The following ACYP2 variants were observed in gnomAD, a reference collection of about 807,000 sequenced individuals.
The protein encoded by ACYP2 is acylphosphatase-2.
A neutral mutation model predicts 11.2 loss-of-function variants in ACYP2; 12 were observed. The ratio of observed to expected loss-of-function variants is 1.08; its 90% confidence interval spans 0.69 to 1.74. The LOEUF is 1.74. Among genes scored for constraint, ACYP2 ranks in the 40% most tolerant of loss-of-function variants. The pLI is 0.00. For synonymous variants in ACYP2, 43 were observed against 32.2 expected, an observed-to-expected ratio of 1.33 and a Z score of -1.13; for missense variants, 134 against 101.9, an observed-to-expected ratio of 1.31 and a Z score of -1.35.
At chr2:53,998,687 C>T (rs1202530561) in intron 2 of ACYP2, among the ~76,000 whole-genome samples, 2 of 151,880 alleles carry the variant, frequency 1.3e-5, no homozygotes, top group Non-Finnish European at 2.9e-5. Flanking sequence ...ATGGTGGCCT[C>T]CACCTGTATT....
intron 4 of ACYP2, among the ~76,000 whole-genome samples, chr2:54,105,064 A>T (rs1359474448): frequency 2.0e-5 from 3 of 151,288 alleles, no homozygotes; most frequent in Non-Finnish European, 4.4e-5. Flanking sequence ...TTTTTTGAAT[A>T]CTATTTTGTT....
chr2:54,024,329 G>T lies in ACYP2; in HGVS notation c.63-26629G>T, dbSNP rs538230314. On this transcript the variant is annotated intron_variant, in intron 2 of 6. Coordinates refer to ENST00000607452, the MANE Select transcript of ACYP2 (RefSeq NM_001320586.2). ...TGCATTCAGCCGAGATCCCGTCACT[G>T]TACTCCAGCCTGGGCAACAGATCAA... Among the ~76,000 whole-genome samples, 26 of 152,240 alleles carry T rather than the reference G, an allele frequency of 1.7e-4. No individual in the cohort carries two copies. In the South Asian group the frequency reaches 5.4e-3, roughly 32 times the overall value.
chr2:54,008,513 C>A (rs1673191187), intron 2 of ACYP2, among the ~76,000 whole-genome samples: 1 of 152,158 alleles, frequency 6.6e-6, no homozygotes, highest in African/African-American at 2.4e-5. Context: ...ATTTACCAAT[C>A]AAGTGAATCA....
intron 6 of ACYP2, chr2:54,256,263 C>T (rs746197388): frequency 1.6e-6 from 2 of 1,284,302 alleles, no homozygotes; most frequent in Non-Finnish European, 2.2e-6. Flanking sequence ...GCCGCCCACT[C>T]TTCAGTCTCG....
intron 2 of ACYP2, among the ~76,000 whole-genome samples, chr2:53,976,583 T>C (rs907018358): frequency 6.6e-6 from 1 of 152,210 alleles, no homozygotes; most frequent in Non-Finnish European, 1.5e-5. Flanking sequence ...TTCTGCTGAA[T>C]TGCAGTTATT....
chr2:54,211,200 T>A (rs1685317704), intron 6 of ACYP2, among the ~76,000 whole-genome samples: 1 of 152,204 alleles, frequency 6.6e-6, no homozygotes, highest in African/African-American at 2.4e-5. Context: ...TTTTAAAACA[T>A]CAATAATTTG....
chr2:54,134,782 G>C (rs999077761), intron 4 of ACYP2, among the ~76,000 whole-genome samples: 5 of 152,150 alleles, frequency 3.3e-5, no homozygotes, highest in African/African-American at 4.8e-5. Flanking sequence ...TGCAGTCCAG[G>C]AACCCCAGTG....
intron 6 of ACYP2, among the ~76,000 whole-genome samples, chr2:54,292,198 C>A (rs1326854865): frequency 6.8e-6 from 1 of 148,006 alleles, no homozygotes; most frequent in African/African-American, 2.5e-5. Flanking sequence ...CAAAACAAAT[C>A]TTTTTTTTTT....
At chr2:54,123,557 C>T (rs906771095) in intron 4 of ACYP2, 2 of 395,840 alleles carry the variant, frequency 5.1e-6, no homozygotes, top group Non-Finnish European at 8.9e-6. Flanking sequence ...ACCATTAATT[C>T]CAGAACATTT....
At chr2:54,078,457 A>G (rs1159526044) in intron 4 of ACYP2, among the ~76,000 whole-genome samples, 2 of 150,018 alleles carry the variant, frequency 1.3e-5, no homozygotes, top group African/African-American at 2.4e-5. Flanking sequence ...TCCTGTCGCT[A>G]TTATTATTAT....
chr2:54,042,051 A>G (rs961862533), intron 2 of ACYP2, among the ~76,000 whole-genome samples: 1 of 146,736 alleles, frequency 6.8e-6, no homozygotes, highest in Non-Finnish European at 1.5e-5. Flanking sequence ...CTTCTTGCCC[A>G]GGCTGGAGTG....
chr2:54,266,926 A>T (rs1036140364), intron 6 of ACYP2, among the ~76,000 whole-genome samples: 7 of 152,020 alleles, frequency 4.6e-5, no homozygotes, highest in African/African-American at 1.7e-4. Flanking sequence ...AGAAATGTTA[A>T]TTTGCAGATG....
At chr2:54,150,625 T>C (rs550879596) in intron 6 of ACYP2, among the ~76,000 whole-genome samples, 178 of 152,234 alleles carry the variant, frequency 1.2e-3, no homozygotes, top group African/African-American at 4.1e-3. Flanking sequence ...TTTCACCATG[T>C]TGTCCACGCT....
intron 6 of ACYP2, among the ~76,000 whole-genome samples, chr2:54,208,649 A>T (rs1026080430): frequency 2.6e-5 from 4 of 152,124 alleles, no homozygotes; most frequent in African/African-American, 9.7e-5. Flanking sequence ...GATTCACTTA[A>T]GTCATTAGAC....
At chr2:54,271,182 C>CA (rs1688281722) in intron 6 of ACYP2, among the ~76,000 whole-genome samples, 1 of 152,136 alleles carries the variant, frequency 6.6e-6, no homozygotes, top group Admixed American at 6.5e-5. Flanking sequence ...AAGACTGATC[C>CA]CCTCCTTGTC....
chr2:54,243,270 A>G (rs1686807981), intron 6 of ACYP2, among the ~76,000 whole-genome samples: 1 of 152,188 alleles, frequency 6.6e-6, no homozygotes, highest in South Asian at 2.1e-4. Flanking sequence ...ACACAAACCT[A>G]GATGGTAGAG....
At chr2:53,971,461 C>G (rs1006182350) in intron 1 of ACYP2, 1 of 152,296 alleles carries the variant, frequency 6.6e-6, no homozygotes, top group African/African-American at 2.4e-5. Context: ...TTTCTGTCCC[C>G]TTTAAGTCCC....
intron 6 of ACYP2, among the ~76,000 whole-genome samples, chr2:54,180,595 C>T (rs1683661390): frequency 6.6e-6 from 1 of 152,224 alleles, no homozygotes; most frequent in Non-Finnish European, 1.5e-5. Context: ...TGCTGTGTCG[C>T]CCAGGCTAAA....
rs1366517481 is a variant in ACYP2, at chr2:54,135,376, T to C, written c.278-77T>C. 4 of 1,426,678 alleles carry C rather than the reference T, an allele frequency of 2.8e-6. No homozygotes were observed. The African/African-American group carries it at 4.3e-5, about 15-fold the overall frequency. The allele number at this position is 1,426,678 out of a possible 1,614,324, so 88.4% of individuals were successfully genotyped here. A position where few individuals can be genotyped will look rare whatever the true frequency, so the allele number is the denominator to read the frequency against. On this transcript the variant is annotated intron_variant, in intron 4 of 6. Transcript: ENST00000607452. The stretch of plus-strand genomic sequence containing the variant: ...CAAGGATAAATGGGGACCACCTAGA[T>C]AAAAGTTAAGTCAGGAAACATATAA...
Sources: gnomAD v4.1 joint callset for allele counts (sites outside exome capture counted in the v4.1 genomes callset) on GRCh38, gnomAD v4.1.1 for gene constraint, MANE v1.5 for transcripts, NCBI Gene and HGNC (gene_info 2026-07-23, HGNC 2026-07-21) for gene names.